The following JAK2 variants were observed in gnomAD, a reference collection of about 807,000 sequenced individuals.
JAK2 encodes the protein Janus kinase 2.
Under a neutral mutation model 139.3 loss-of-function variants are expected in JAK2, and 86 were observed. That is an observed-to-expected ratio of 0.62 (90% CI 0.52 to 0.74). The LOEUF is 0.74. JAK2 is among the 30% of genes least tolerant of loss of function. The pLI, the probability that JAK2 is intolerant of heterozygous loss-of-function variation, is 0.00. For synonymous variants in JAK2, 490 were observed against 437.7 expected (o/e 1.12, Z -1.49); for missense variants, 1,421 against 1,360.3 (o/e 1.04, Z -0.70).
chr9:5,063,338 T>G (rs1296026110), intron 8 of JAK2, among the ~76,000 whole-genome samples: 3 of 152,236 alleles, frequency 2.0e-5, no homozygotes. Context: ...AAACCTGTCA[T>G]ATATGATAGC....
Position 5,054,901 on chromosome 9 carries a change from T to C in JAK2, c.936+17T>C, listed in dbSNP as rs1452749908. The C allele has an allele frequency of 6.7e-7, 1 of 1,500,284 alleles. No individual in the cohort carries two copies. The highest frequency in any genetic ancestry group is 1.3e-5 in the South Asian group (1 of 79,992). 92.9% of individuals were successfully genotyped at this position (1,500,284 alleles called of 1,614,324 possible). A position where few individuals can be genotyped will look rare whatever the true frequency, so the allele number is the denominator to read the frequency against. ...ACAGAACAGGTAATCCTTAATGATA[T>C]GTTCTTGTTCTTTGTTATTTTAAGT... On this transcript the variant is annotated intron_variant, in intron 7 of 24. Transcript: ENST00000381652. The surrounding 1 kb of genome is among the most constrained non-coding windows in gnomAD (Gnocchi z 4.9).
chr9:5,042,619 G>A (rs891838643), intron 4 of JAK2, among the ~76,000 whole-genome samples: 2 of 118,092 alleles, frequency 1.7e-5, no homozygotes, highest in African/African-American at 8.0e-5. Context: ...AGCTGCCCCC[G>A]TTAGCGTCAT....
chr9:5,014,849 A>C (rs1821936697), intron 2 of JAK2, among the ~76,000 whole-genome samples: 1 of 151,892 alleles, frequency 6.6e-6, no homozygotes, highest in South Asian at 2.1e-4. Flanking sequence ...GTTTCTCCCT[A>C]GCTATTCTCC....
At chr9:5,084,787 T>C (rs916633310) in intron 19 of JAK2, among the ~76,000 whole-genome samples, 3 of 152,210 alleles carry the variant, frequency 2.0e-5, no homozygotes, top group African/African-American at 4.8e-5. Context: ...AATTAGAATT[T>C]ATAGGACTAG....
At chr9:5,113,158 G>C (rs1378987667) in intron 22 of JAK2, among the ~76,000 whole-genome samples, 3 of 138,394 alleles carry the variant, frequency 2.2e-5, no homozygotes, top group African/African-American at 8.2e-5. Flanking sequence ...CCCTGAAACT[G>C]CATCTTGGCC....
At chr9:5,032,189 C>T (rs971896791) in intron 4 of JAK2, among the ~76,000 whole-genome samples, 21 of 152,144 alleles carry the variant, frequency 1.4e-4, no homozygotes, top group African/African-American at 1.9e-4. Flanking sequence ...AAGGTGGCAG[C>T]GAGGCTGGGG....
chr9:5,028,991 CTT>C (rs1038322340), intron 3 of JAK2, among the ~76,000 whole-genome samples: 19 of 152,182 alleles, frequency 1.2e-4, no homozygotes, highest in African/African-American at 4.6e-4. Flanking sequence ...CATTCAAAAA[CTT>C]TTTCTTTGCA....
At chr9:5,074,129 A>G (rs1819152078) in intron 14 of JAK2, among the ~76,000 whole-genome samples, 1 of 152,168 alleles carries the variant, frequency 6.6e-6, no homozygotes, top group African/African-American at 2.4e-5. Context: ...ATCTGGAATT[A>G]TGAAGACAAA....
At chr9:5,004,467 T>C (rs939471246) in intron 2 of JAK2, among the ~76,000 whole-genome samples, 9 of 152,192 alleles carry the variant, frequency 5.9e-5, no homozygotes, top group African/African-American at 2.2e-4. Context: ...GACAAGATTT[T>C]CTTCTTTTTT....
At chr9:5,112,766 CG>C in intron 22 of JAK2, 3 of 621,082 alleles carry the variant, frequency 4.8e-6, no homozygotes, top group Non-Finnish European at 7.5e-6. Flanking sequence ...GAAGGTGTCG[CG>C]CGTGTTCGGA....
intron 3 of JAK2, among the ~76,000 whole-genome samples, chr9:5,027,620 G>A (rs1199638432): frequency 1.3e-5 from 2 of 152,160 alleles, no homozygotes; most frequent in East Asian, 1.9e-4. Flanking sequence ...CTATTTGATA[G>A]CATTTTACCC....
At chr9:5,043,187 A>G (rs979123734) in intron 4 of JAK2, among the ~76,000 whole-genome samples, 6 of 152,094 alleles carry the variant, frequency 3.9e-5, no homozygotes, top group Non-Finnish European at 5.9e-5. Flanking sequence ...GCGGACTCCC[A>G]GCGGGTCAGC....
intron 22 of JAK2, among the ~76,000 whole-genome samples, chr9:5,102,217 C>G (rs542476958): frequency 1.3e-5 from 2 of 152,246 alleles, no homozygotes; most frequent in South Asian, 4.1e-4. Flanking sequence ...GAGCTGAAAA[C>G]CATGGCATGA....
At chr9:5,052,016 C>A (rs961175119) in intron 6 of JAK2, among the ~76,000 whole-genome samples, 1 of 151,948 alleles carries the variant, frequency 6.6e-6, no homozygotes, top group African/African-American at 2.4e-5. Context: ...TGAATACTTG[C>A]TGTATGCCAG....
intron 19 of JAK2, among the ~76,000 whole-genome samples, chr9:5,088,771 G>A (rs1329646864): frequency 6.6e-6 from 1 of 152,124 alleles, no homozygotes; most frequent in African/African-American, 2.4e-5. Flanking sequence ...TCCTCACATG[G>A]GAGAGAGAGA....
At chr9:5,118,439 T>A (rs1056136435) in intron 22 of JAK2, among the ~76,000 whole-genome samples, 1 of 152,240 alleles carries the variant, frequency 6.6e-6, no homozygotes, top group Non-Finnish European at 1.5e-5. Flanking sequence ...AACTTGTAAC[T>A]ATTCACATTT....
intron 4 of JAK2, among the ~76,000 whole-genome samples, chr9:5,040,080 A>G (rs62541540): frequency 0.25 from 38,212 of 152,150 alleles, 5,073 homozygotes; most frequent in South Asian, 0.32. Flanking sequence ...GACTGTAATC[A>G]AGACAATGTG....
At chr9:5,002,609 T>C (rs1273943954) in intron 2 of JAK2, among the ~76,000 whole-genome samples, 1 of 152,000 alleles carries the variant, frequency 6.6e-6, no homozygotes, top group Non-Finnish European at 1.5e-5. Flanking sequence ...TCTGCAGTTG[T>C]TGGGCATTGT....
chr9:5,032,370 T>A (rs1414143443), intron 4 of JAK2, among the ~76,000 whole-genome samples: 1 of 152,226 alleles, frequency 6.6e-6, no homozygotes, highest in Non-Finnish European at 1.5e-5. Flanking sequence ...CAGACTTAAA[T>A]GTCCCTGTCT....
Sources: allele counts gnomAD v4.1 joint callset (sites outside exome capture counted in the v4.1 genomes callset), GRCh38; gene constraint gnomAD v4.1.1; non-coding constraint Gnocchi (gnomAD v3.1); transcripts MANE v1.5; gene names NCBI Gene and HGNC (gene_info 2026-07-23, HGNC 2026-07-21).